ADGRL2: variants seen among roughly 807,000 people sequenced by gnomAD.
ADGRL2 encodes the protein adhesion G protein-coupled receptor L2.
Under a neutral mutation model 157.4 loss-of-function variants are expected in ADGRL2, and 44 were observed. The ratio of observed to expected loss-of-function variants is 0.28; its 90% CI spans 0.22 to 0.36. ADGRL2 has a LOEUF of 0.36. ADGRL2 is among the 10% of genes least tolerant of loss of function. The pLI is 1.00. For missense variants in ADGRL2, 1,510 were observed against 1,768.9 expected, an observed-to-expected ratio of 0.85 and a Z score of 2.63; for synonymous variants, 585 against 624.7, an observed-to-expected ratio of 0.94 and a Z score of 0.95.
intron 1 of ADGRL2, among the ~76,000 whole-genome samples, chr1:81,752,234 C>T (rs2085512598): frequency 6.6e-6 from 1 of 152,140 alleles, no homozygotes; most frequent in African/African-American, 2.4e-5. Context: ...AGCGGAAGGG[C>T]CCTTGCCAGA....
chr1:81,858,244 A>G (rs2093272619), intron 2 of ADGRL2, among the ~76,000 whole-genome samples: 1 of 152,188 alleles, frequency 6.6e-6, no homozygotes, highest in Non-Finnish European at 1.5e-5. Flanking sequence ...GAAATTCTGT[A>G]AAAGGTACAT....
At chr1:81,514,310 C>T (rs185453663) in intron 2 of ADGRL2, among the ~76,000 whole-genome samples, 1 of 152,120 alleles carries the variant, frequency 6.6e-6, no homozygotes, top group Non-Finnish European at 1.5e-5. Context: ...GGGGTAGTTA[C>T]AGCCGCAGAA....
chr1:81,355,174 A>C (rs1285154117), intron 1 of ADGRL2, among the ~76,000 whole-genome samples: 3 of 151,946 alleles, frequency 2.0e-5, no homozygotes, highest in Non-Finnish European at 4.4e-5. Flanking sequence ...AAAATGGTGA[A>C]ACCCCAACTC....
intron 1 of ADGRL2, among the ~76,000 whole-genome samples, chr1:81,359,058 A>G (rs1365270391): frequency 6.6e-6 from 1 of 151,972 alleles, no homozygotes; most frequent in African/African-American, 2.4e-5. Flanking sequence ...GGGTTCTGCC[A>G]AAGAGGTTTA....
chr1:81,384,779 G>C (rs2076405627), intron 1 of ADGRL2, among the ~76,000 whole-genome samples: 1 of 152,116 alleles, frequency 6.6e-6, no homozygotes, highest in Admixed American at 6.5e-5. Context: ...GCTTGAAAAT[G>C]TGACTGAGAA....
intron 1 of ADGRL2, among the ~76,000 whole-genome samples, chr1:81,828,828 A>G (rs1234466622): frequency 6.6e-6 from 1 of 152,062 alleles, no homozygotes; most frequent in African/African-American, 2.4e-5. Flanking sequence ...CAGCCACTCA[A>G]AATGACACAG....
rs746434913 is a variant in ADGRL2, at chr1:81,966,394, A to G, written c.2144-10A>G. The G allele has an allele frequency of 6.2e-7, 1 of 1,612,374 alleles. No individual in the cohort carries two copies. The highest frequency in any genetic ancestry group is 8.5e-7 in the Non-Finnish European group (1 of 1,178,698). On this transcript the variant is annotated splice_polypyrimidine_tract_variant and intron_variant, in intron 12 of 23. Coordinates refer to ENST00000686636, the MANE Select transcript of ADGRL2 (RefSeq NM_001366006.2). ...TTTTGTACATCATGTGACTATTTTT[A>G]CCTTCCTAGGGCTTGCAAAGTTGGT...
chr1:81,858,432 G>A (rs1175399257), intron 2 of ADGRL2, among the ~76,000 whole-genome samples: 2 of 152,110 alleles, frequency 1.3e-5, no homozygotes, highest in Non-Finnish European at 2.9e-5. Flanking sequence ...GTGGTGCAAA[G>A]AACTGAAACT....
intron 1 of ADGRL2, among the ~76,000 whole-genome samples, chr1:81,355,720 C>T (rs1306767085): frequency 2.0e-5 from 3 of 152,130 alleles, no homozygotes; most frequent in Non-Finnish European, 4.4e-5. Flanking sequence ...GCAGGTTCAC[C>T]CTGGGCCTGC....
At chr1:81,924,575 AG>A (rs1220086996) in intron 3 of ADGRL2, among the ~76,000 whole-genome samples, 42 of 152,136 alleles carry the variant, frequency 2.8e-4, no homozygotes, top group African/African-American at 9.4e-4. Context: ...CTGTGGTGTT[AG>A]TAAGTCAATC....
chr1:81,633,778 A>C (rs1267908316), intron 3 of ADGRL2, among the ~76,000 whole-genome samples: 2 of 152,016 alleles, frequency 1.3e-5, no homozygotes, highest in Non-Finnish European at 2.9e-5. Flanking sequence ...TCCACCTCCA[A>C]AATGTTTCAT....
chr1:81,713,050 G>C (rs974741550), intron 1 of ADGRL2, among the ~76,000 whole-genome samples: 1 of 152,042 alleles, frequency 6.6e-6, no homozygotes, highest in African/African-American at 2.4e-5. Context: ...GAGCCACCAT[G>C]CCCGGCTTGA....
intron 1 of ADGRL2, among the ~76,000 whole-genome samples, chr1:81,435,508 CA>C (rs2077393484): frequency 6.6e-6 from 1 of 152,132 alleles, no homozygotes; most frequent in African/African-American, 2.4e-5. Context: ...AAAGGGAAAC[CA>C]CTTTTTGTTC....
chr1:81,942,696 G>T, intron 5 of ADGRL2: 1 of 453,166 alleles, frequency 2.2e-6, no homozygotes, highest in South Asian at 2.3e-5. Flanking sequence ...TGAAAACATA[G>T]CAAAAATTTA....
chr1:81,601,423 T>C (rs888173234), intron 3 of ADGRL2, among the ~76,000 whole-genome samples: 1 of 152,174 alleles, frequency 6.6e-6, no homozygotes, highest in Non-Finnish European at 1.5e-5. Context: ...TTAGCACTGA[T>C]CTTATCAATT....
chr1:81,494,957 A>G (rs1161404196), intron 2 of ADGRL2, among the ~76,000 whole-genome samples: 3 of 152,288 alleles, frequency 2.0e-5, no homozygotes, highest in Middle Eastern at 3.4e-3. Flanking sequence ...ACAGAGAACC[A>G]TATTTGTGAC....
At position 81,734,877 on chromosome 1, in the gene ADGRL2, T is replaced by C. The variant is rs1000736512; in HGVS notation, c.-142-26934T>C. Among the ~76,000 whole-genome samples, 10 of 144,738 alleles carry C rather than the reference T, an allele frequency of 6.9e-5. No individual in the cohort carries two copies. The East Asian group carries it at 1.8e-3, about 27-fold the overall frequency. 95.0% of individuals were successfully genotyped at this position (144,738 alleles called of 152,430 possible). ...GGAGAAACCCTGTCTCTACTAAAAA[T>C]ACAAAATTAGCCAGGCATGGTGGTG... On this transcript the variant is annotated intron_variant, in intron 1 of 20. Coordinates refer to the ADGRL2 transcript ENST00000359929.
chr1:81,882,900 A>G (rs2094024792), intron 2 of ADGRL2, among the ~76,000 whole-genome samples: 1 of 152,230 alleles, frequency 6.6e-6, no homozygotes, highest in African/African-American at 2.4e-5. Context: ...CTTAGTGGTT[A>G]AGAATGTATT....
chr1:81,836,660 A>G (rs1424581080), intron 1 of ADGRL2, among the ~76,000 whole-genome samples: 1 of 152,110 alleles, frequency 6.6e-6, no homozygotes, highest in Non-Finnish European at 1.5e-5. Flanking sequence ...TGCCATGTAC[A>G]AATTTTGGCA....
Sources: gnomAD v4.1 joint callset for allele counts (sites outside exome capture counted in the v4.1 genomes callset) on GRCh38, gnomAD v4.1.1 for gene constraint, MANE v1.5 for transcripts, NCBI Gene and HGNC (gene_info 2026-07-23, HGNC 2026-07-21) for gene names.